CEP85L: variants seen among roughly 807,000 people sequenced by gnomAD.
CEP85L encodes centrosomal protein 85L.
CEP85L carries 60 observed loss-of-function variants against 100.3 expected under a neutral mutation model. The ratio of observed to expected loss-of-function variants is 0.60; its 90% CI spans 0.49 to 0.74. The LOEUF (loss-of-function observed/expected upper bound fraction) is 0.74. Ranked by LOEUF, CEP85L falls within the 30% of genes least tolerant of loss-of-function variation. The pLI, the probability that CEP85L is intolerant of heterozygous loss-of-function variation, is 0.00. For missense variants in CEP85L, 973 were observed against 936.2 expected (o/e 1.04, Z -0.51); for synonymous variants, 319 against 322.7 (o/e 0.99, Z 0.12).
chr6:118,587,336 C>T (rs77457581), intron 2 of CEP85L, among the ~76,000 whole-genome samples: 3 of 152,294 alleles, frequency 2.0e-5, no homozygotes, highest in African/African-American at 7.2e-5. Flanking sequence ...CACCCTCAGG[C>T]TTGGAAAAGT....
intron 2 of CEP85L, among the ~76,000 whole-genome samples, chr6:118,578,023 C>A (rs1272320101): frequency 6.6e-6 from 1 of 152,150 alleles, no homozygotes; most frequent in Admixed American, 6.5e-5. Flanking sequence ...AACAACAAAT[C>A]TAAAATATGT....
At chr6:118,501,985 AC>A (rs1187868759) in intron 5 of CEP85L, 2 of 834,316 alleles carry the variant, frequency 2.4e-6, no homozygotes, top group Non-Finnish European at 2.0e-6. Context: ...AGGAAAACTG[AC>A]CAGGTGGCTT....
rs1269375076 is a variant in CEP85L at position 118,480,581 on chromosome 6, TA to T, written c.1746-69del. On this transcript the variant is annotated intron_variant, in intron 8 of 12. Coordinates refer to ENST00000368491, the MANE Select transcript of CEP85L (RefSeq NM_001042475.3). ...GCTGATTTTGGTAATGATTTCAACA[TA>T]AATGATTATTGCTTTATTAAAAAAT... 29 of 939,936 alleles carry T rather than the reference TA, an allele frequency of 3.1e-5. No individual in the cohort carries two copies. The East Asian group carries it at 6.8e-4, about 22-fold the overall frequency. The allele number at this position is 939,936 out of a possible 1,614,324, so 58.2% of individuals were successfully genotyped here.
At position 118,460,859 on chromosome 6, in the gene CEP85L, T is replaced by C. The variant is rs919999800; in HGVS notation, c.*4546A>G. On this transcript the variant is annotated 3_prime_UTR_variant, in exon 13 of 13. Transcript: ENST00000368491. ...AGTGGAAAAATACTAGCCATTAACA[T>C]TGAAAACTTTTTTCTTAATTTAATA... 6 of 152,316 alleles carry C rather than the reference T, an allele frequency of 3.9e-5. No homozygotes were observed. The highest frequency in any genetic ancestry group is 1.9e-4 in the East Asian group (1 of 5,190). The allele number at this position is 152,316 out of a possible 1,614,324, so 9.4% of individuals were successfully genotyped here.
intron 1 of CEP85L, among the ~76,000 whole-genome samples, chr6:118,640,522 T>C (rs1230275887): frequency 1.3e-5 from 2 of 152,158 alleles, no homozygotes; most frequent in Non-Finnish European, 2.9e-5. Flanking sequence ...TGTAAAGTTT[T>C]TTGTTGTTGT....
chr6:118,629,388 CTCA>C (rs1773998566), intron 2 of CEP85L, among the ~76,000 whole-genome samples: 1 of 152,130 alleles, frequency 6.6e-6, no homozygotes, highest in Admixed American at 6.5e-5. Context: ...TTACAGAGAC[CTCA>C]TCAAAGATGA....
At chr6:118,650,958 G>A (rs927277528) in intron 1 of CEP85L, among the ~76,000 whole-genome samples, 2 of 152,238 alleles carry the variant, frequency 1.3e-5, no homozygotes, top group South Asian at 4.1e-4. Flanking sequence ...GGGCGCTGGG[G>A]CTGCAGCCCA....
upstream of CEP85L, among the ~76,000 whole-genome samples, chr6:118,655,946 CT>C (rs2115397581): frequency 6.6e-6 from 1 of 152,352 alleles, no homozygotes; most frequent in South Asian, 2.1e-4. Flanking sequence ...GAATTCAAAT[CT>C]GATCCATGTG....
intron 1 of CEP85L, among the ~76,000 whole-genome samples, chr6:118,700,093 C>T (rs1038488905): frequency 2.0e-5 from 3 of 152,180 alleles, no homozygotes; most frequent in Non-Finnish European, 4.4e-5. Context: ...AATCAGGAGC[C>T]CTTTTCAACC....
chr6:118,691,052 GGA>G (rs572029729), intron 1 of CEP85L, among the ~76,000 whole-genome samples: 436 of 151,986 alleles, frequency 2.9e-3, no homozygotes, highest in Non-Finnish European at 5.1e-3. Context: ...AAAGAAAGAG[GGA>G]GAGACAGTTT....
intron 3 of CEP85L, among the ~76,000 whole-genome samples, chr6:118,553,457 T>C (rs539640175): frequency 6.6e-6 from 1 of 152,302 alleles, no homozygotes; most frequent in Admixed American, 6.5e-5. Flanking sequence ...TCAGTAGAAC[T>C]AGGATTCCAC....
intron 1 of CEP85L, among the ~76,000 whole-genome samples, chr6:118,703,808 T>TA (rs965159720): frequency 6.6e-6 from 1 of 152,160 alleles, no homozygotes; most frequent in African/African-American, 2.4e-5. Context: ...ATTAATAAAA[T>TA]AAAATCCTTA....
chr6:118,570,456 T>A (rs891365498), intron 2 of CEP85L, among the ~76,000 whole-genome samples: 1 of 152,196 alleles, frequency 6.6e-6, no homozygotes, highest in Non-Finnish European at 1.5e-5. Context: ...CTCAGTACTT[T>A]CCAAATGCAA....
chr6:118,576,006 C>T (rs962271778), intron 2 of CEP85L, among the ~76,000 whole-genome samples: 1 of 151,976 alleles, frequency 6.6e-6, no homozygotes, highest in Admixed American at 6.5e-5. Context: ...GTAATGTAGT[C>T]AAAGCCCTGT....
intron 2 of CEP85L, among the ~76,000 whole-genome samples, chr6:118,599,669 T>C (rs540820655): frequency 2.0e-4 from 30 of 152,158 alleles, no homozygotes; most frequent in Non-Finnish European, 3.8e-4. Context: ...CTGGCAAACA[T>C]ATCTTAAACA....
intron 1 of CEP85L, among the ~76,000 whole-genome samples, chr6:118,667,129 G>C (rs1474920775): frequency 1.3e-5 from 2 of 152,188 alleles, no homozygotes; most frequent in Non-Finnish European, 2.9e-5. Flanking sequence ...CAGTCCTGGA[G>C]TGGCTCCAAA....
upstream of CEP85L, chr6:118,652,293 G>T: frequency 1.6e-6 from 1 of 633,696 alleles, no homozygotes; most frequent in Non-Finnish European, 2.0e-6. Flanking sequence ...ACTCCTTCAC[G>T]TTCTTCCTCT....
At chr6:118,699,656 AC>A (rs1004184832) in intron 1 of CEP85L, among the ~76,000 whole-genome samples, 5 of 152,052 alleles carry the variant, frequency 3.3e-5, no homozygotes, top group African/African-American at 1.2e-4. Flanking sequence ...TGAATGCCAT[AC>A]CAGCTCTAGT....
chr6:118,614,204 A>C (rs960025030), intron 2 of CEP85L, among the ~76,000 whole-genome samples: 2 of 152,258 alleles, frequency 1.3e-5, no homozygotes, highest in African/African-American at 4.8e-5. Context: ...TCTGCAAACT[A>C]GGAATAAGAA....
Sources: gnomAD v4.1 joint callset for allele counts (sites outside exome capture counted in the v4.1 genomes callset) on GRCh38, gnomAD v4.1.1 for gene constraint, MANE v1.5 for transcripts, NCBI Gene and HGNC (gene_info 2026-07-23, HGNC 2026-07-21) for gene names.